The following KIAA0930 variants were observed in gnomAD, a reference collection of about 807,000 sequenced individuals.
The protein encoded by KIAA0930 is uncharacterized protein KIAA0930.
In KIAA0930, 24 loss-of-function variants were observed where a neutral mutation model predicts 43.9. The observed-to-expected ratio is 0.55, with a 90% CI of 0.40 to 0.77. The LOEUF (loss-of-function observed/expected upper bound fraction) is 0.77. Ranked by LOEUF, KIAA0930 falls within the 30% of genes least tolerant of loss-of-function variation. The probability of loss-of-function intolerance (pLI) is 0.00; values close to 1 mark genes in which losing one functional copy is unlikely to be tolerated. For synonymous variants in KIAA0930, 259 were observed against 216.4 expected, an observed-to-expected ratio of 1.20 and a Z score of -1.73; for missense variants, 461 against 574.2, an observed-to-expected ratio of 0.80 and a Z score of 2.02.
Position 45,211,993 on chromosome 22 carries a change from G to T in KIAA0930, c.179C>A (p.Ala60Glu), listed in dbSNP as rs762931184. The change falls in exon 2 of 10, where the codon GCG becomes GAG. Residue 60 changes from alanine to glutamate, a missense_variant. Physicochemically the swap from Ala to Glu is moderately radical, Grantham distance 107. Transcript: ENST00000336156. ...DMLFYVRRKL[A>E]YSGSESGADG... ...TGCACCGCTTTCGCTGCCGGAGTAC[G>T]CCAGCTTCCGGCGCACATAGAAAAG... The T allele has an allele frequency of 6.2e-7, 1 of 1,613,174 alleles. No individual in the cohort carries two copies. Among genetic ancestry groups the T allele is most frequent in the Non-Finnish European group, 8.5e-7 (1 of 1,180,006 alleles).
rs749169694 is a variant in KIAA0930, at chr22:45,203,870, G to A, written c.632C>T (p.Ala211Val). The change falls in exon 6 of 10, where the codon GCG becomes GTG. Residue 211 changes from alanine (A) to valine (V), a missense_variant. Transcript: ENST00000336156. ...VIFQGSIRYE[A>V]LKKVYDNRVS... ...CCGGTTGTCATACACCTTCTTGAGC[G>A]CCTCGTAGCGGATGGAGCCCTGAAA... The A allele has an allele frequency of 4.3e-6, 7 of 1,613,962 alleles. No individual in the cohort carries two copies. The highest frequency in any genetic ancestry group is 2.2e-5 in the East Asian group (1 of 44,886).
chr22:45,200,368 G>A (rs2072721), intron 7 of KIAA0930, among the ~76,000 whole-genome samples: 43,366 of 152,040 alleles, frequency 0.29, 6,616 homozygotes, highest in Middle Eastern at 0.5. Flanking sequence ...AGCTGCTGAC[G>A]CTGAGTGAGC....
chr22:45,215,707 C>G (rs1209360288), intron 1 of KIAA0930, among the ~76,000 whole-genome samples: 1 of 152,190 alleles, frequency 6.6e-6, no homozygotes, highest in African/African-American at 2.4e-5. Context: ...AAGTTGTAGA[C>G]ACAATGATGA....
chr22:45,214,519 G>C (rs995568424), intron 1 of KIAA0930, among the ~76,000 whole-genome samples: 2 of 152,198 alleles, frequency 1.3e-5, no homozygotes, highest in Non-Finnish European at 2.9e-5. Flanking sequence ...CGGAAAAGGC[G>C]GAATCGTAGT....
At chr22:45,207,031 G>C (rs940780359) in intron 2 of KIAA0930, among the ~76,000 whole-genome samples, 2 of 151,526 alleles carry the variant, frequency 1.3e-5, no homozygotes, top group African/African-American at 4.9e-5. Flanking sequence ...TTTTGAGACG[G>C]AGTCTCGCTC....
chr22:45,197,101 C>G lies in KIAA0930; in HGVS notation c.*75G>C. On this transcript the variant is annotated 3_prime_UTR_variant, in exon 10 of 10. Transcript: ENST00000336156. Reference sequence around the variant, plus strand: ...GGCGTGCCATCGCAGACCCCGGTGGCGGTGGACAGGTAGGCACTTGGCAGC... The same window carrying G: ...GGCGTGCCATCGCAGACCCCGGTGGGGGTGGACAGGTAGGCACTTGGCAGC... 3.1e-6 allele frequency: 4 copies of G among 1,274,066 alleles called. No individual in the cohort carries two copies. In the South Asian group the frequency reaches 6.0e-5, roughly 19 times the overall value. 78.9% of individuals were successfully genotyped at this position (1,274,066 alleles called of 1,614,324 possible).
intron 1 of KIAA0930, among the ~76,000 whole-genome samples, chr22:45,224,281 G>A (rs949757415): frequency 1.3e-5 from 2 of 152,144 alleles, no homozygotes; most frequent in African/African-American, 4.8e-5. Context: ...GGTTAAGAGT[G>A]GTGCAGTGCA....
chr22:45,212,411 A>G, intron 1 of KIAA0930: 1 of 1,554,086 alleles, frequency 6.4e-7, no homozygotes, highest in Non-Finnish European at 8.7e-7. Context: ...AGGAAAAGGA[A>G]AATCCCGAGG....
At chr22:45,216,668 C>T (rs1422590399) in intron 1 of KIAA0930, among the ~76,000 whole-genome samples, 1 of 152,092 alleles carries the variant, frequency 6.6e-6, no homozygotes, top group African/African-American at 2.4e-5. Flanking sequence ...GGTCACAAGC[C>T]CCGGGAGCTG....
At position 45,196,856 on chromosome 22, in the gene KIAA0930, C is replaced by A. The variant is rs2083540747; in HGVS notation, c.*320G>T. On this transcript the variant is annotated 3_prime_UTR_variant, in exon 10 of 10. Coordinates refer to ENST00000336156, the MANE Select transcript of KIAA0930 (RefSeq NM_001009880.2). This position sits in a 1 kb window ranked among gnomAD's most constrained non-coding sequence, Gnocchi z 4.1. The stretch of plus-strand genomic sequence containing the variant: ...GCCGCTCTGGCCCCGCTCTGGGCAT[C>A]AGCTGCTCCTTCCGCTCTCTCTCAT... 2.8e-6 allele frequency: 1 copy of A among 354,846 alleles called. No individual in the cohort carries two copies. The highest frequency in any genetic ancestry group is 6.0e-5 in the South Asian group (1 of 16,634). 22.0% of individuals were successfully genotyped at this position (354,846 alleles called of 1,614,324 possible).
intron 1 of KIAA0930, among the ~76,000 whole-genome samples, chr22:45,231,167 C>T (rs1025706872): frequency 6.7e-6 from 1 of 148,826 alleles, no homozygotes; most frequent in African/African-American, 2.5e-5. Context: ...GCAGGAGAAT[C>T]GCTTGAACCC....
At chr22:45,237,996 C>T (rs2083897108) in intron 1 of KIAA0930, among the ~76,000 whole-genome samples, 1 of 151,764 alleles carries the variant, frequency 6.6e-6, no homozygotes, top group Non-Finnish European at 1.5e-5. Context: ...TCTCGGCTCA[C>T]TGCAACCTCC....
At chr22:45,224,039 C>G (rs765575920) in intron 1 of KIAA0930, among the ~76,000 whole-genome samples, 1 of 152,184 alleles carries the variant, frequency 6.6e-6, no homozygotes, top group Non-Finnish European at 1.5e-5. Flanking sequence ...TCAGTGTTTT[C>G]ATTAAGAACC....
In KIAA0930 at chr22:45,197,830, G is replaced by A; in HGVS notation, c.1134C>T (p.His378=). 2 of 1,614,236 alleles carry A rather than the reference G, an allele frequency of 1.2e-6. No homozygotes were observed. Among genetic ancestry groups the A allele is most frequent in the Non-Finnish European group, 1.7e-6 (2 of 1,180,042 alleles). The part of the protein sequence containing the change: ...RADGNFLLYA[H]LTYVTLPLHR... ...GCAGCGGCAACGTGACGTAGGTTAA[G>A]TGTGCATAGAGAAGGAAGTTTCCAT... Residue 378 remains histidine (H), a synonymous_variant, in exon 9 of 10, where the codon CAC becomes CAT. Coordinates refer to ENST00000336156, the MANE Select transcript of KIAA0930 (RefSeq NM_001009880.2).
At chr22:45,236,709 C>G (rs542452171) in intron 1 of KIAA0930, among the ~76,000 whole-genome samples, 66 of 152,284 alleles carry the variant, frequency 4.3e-4, no homozygotes, top group Non-Finnish European at 8.2e-4. Context: ...AGCCTTGCAG[C>G]TGGGGGCACC....
intron 2 of KIAA0930, among the ~76,000 whole-genome samples, chr22:45,207,114 C>T (rs1329237078): frequency 6.6e-6 from 1 of 151,252 alleles, no homozygotes; most frequent in Non-Finnish European, 1.5e-5. Flanking sequence ...TCATGTGATT[C>T]TCCTGCCCCA....
intron 5 of KIAA0930, among the ~76,000 whole-genome samples, chr22:45,204,253 C>A (rs2083615936): frequency 6.6e-6 from 1 of 152,162 alleles, no homozygotes; most frequent in Admixed American, 6.5e-5. Context: ...CATCACGGTT[C>A]ACCAGGACCG....
rs187676738 is a variant in KIAA0930 at position 45,215,597 on chromosome 22, A to T, written c.65-3490T>A. Among the ~76,000 whole-genome samples, 416 of 152,370 alleles carry T rather than the reference A, an allele frequency of 2.7e-3. 1 individual carries two copies. The highest frequency in any genetic ancestry group is 4.6e-3 in the Non-Finnish European group (310 of 68,036). ...AGGTAAAGCATGCCATACGGATTCA[A>T]CCAAATCGCCACCAATCTTTTTAAA... is the stretch of plus-strand genomic sequence containing the variant. On this transcript the variant is annotated intron_variant, in intron 1 of 9. Coordinates refer to ENST00000336156, the MANE Select transcript of KIAA0930 (RefSeq NM_001009880.2).
intron 1 of KIAA0930, among the ~76,000 whole-genome samples, chr22:45,214,519 G>A (rs995568424): frequency 6.6e-6 from 1 of 152,198 alleles, no homozygotes; most frequent in Non-Finnish European, 1.5e-5. Context: ...CGGAAAAGGC[G>A]GAATCGTAGT....
Sources: gnomAD v4.1 joint callset for allele counts (sites outside exome capture counted in the v4.1 genomes callset) on GRCh38, gnomAD v4.1.1 for gene constraint, Gnocchi (gnomAD v3.1) non-coding constraint, MANE v1.5 for transcripts, NCBI Gene and HGNC (gene_info 2026-07-23, HGNC 2026-07-21) for gene names.